CLYBL: variants seen among roughly 807,000 people sequenced by gnomAD.
The protein encoded by CLYBL is citramalyl-CoA lyase.
Under a neutral mutation model 38.9 loss-of-function variants are expected in CLYBL, and 31 were observed. The ratio of observed to expected loss-of-function variants is 0.80; its 90% CI spans 0.60 to 1.08. The LOEUF (loss-of-function observed/expected upper bound fraction) is 1.08. CLYBL is among the 50% of genes least tolerant of loss of function. CLYBL has a pLI of 0.00. For missense variants in CLYBL, 434 were observed against 411.6 expected, an observed-to-expected ratio of 1.05 and a Z score of -0.47; for synonymous variants, 171 against 158.6, an observed-to-expected ratio of 1.08 and a Z score of -0.59.
intron 1 of CLYBL, among the ~76,000 whole-genome samples, chr13:99,704,589 A>C (rs139249002): frequency 1.2e-4 from 18 of 152,300 alleles, no homozygotes; most frequent in African/African-American, 3.6e-4. Context: ...ACCTGTGAAC[A>C]GGGAAACCGG....
At chr13:99,895,617 C>G (rs1414210940), downstream of CLYBL, 4 of 152,066 alleles carry the variant, frequency 2.6e-5, no homozygotes, top group South Asian at 2.1e-4. Context: ...CGGGCGAGCC[C>G]GCGCTTGGGA....
At chr13:99,791,351 T>C (rs1566328619) in intron 2 of CLYBL, among the ~76,000 whole-genome samples, 1 of 71,298 alleles carries the variant, frequency 1.4e-5, no homozygotes, top group East Asian at 4.5e-4. Flanking sequence ...ACATAAATAG[T>C]GTCTTTTTTA....
At chr13:99,835,873 G>GAAGT (rs1177207102) in intron 2 of CLYBL, among the ~76,000 whole-genome samples, 1 of 152,166 alleles carries the variant, frequency 6.6e-6, no homozygotes, top group Non-Finnish European at 1.5e-5. Context: ...AGTTAACCAG[G>GAAGT]AAGTCCAGGG....
intron 7 of CLYBL, 139 bp from the exon 8 acceptor site, chr13:99,891,179 T>G: frequency 3.1e-6 from 2 of 646,936 alleles, no homozygotes; most frequent in Non-Finnish European, 5.5e-6. Flanking sequence ...TAATTTACTT[T>G]GGCTTTCTCA....
At chr13:99,854,233 C>T (rs1401639180) in intron 2 of CLYBL, among the ~76,000 whole-genome samples, 2 of 152,068 alleles carry the variant, frequency 1.3e-5, no homozygotes, top group Admixed American at 6.6e-5. Flanking sequence ...TATACATTAA[C>T]ATTCAAGGTT....
intron 2 of CLYBL, among the ~76,000 whole-genome samples, chr13:99,824,989 A>G (rs1014143827): frequency 5.3e-5 from 8 of 152,134 alleles, no homozygotes; most frequent in Non-Finnish European, 8.8e-5. Flanking sequence ...CTGATTTCCA[A>G]TAGAGCTCTC....
intron 1 of CLYBL, among the ~76,000 whole-genome samples, chr13:99,760,342 A>G (rs918823718): frequency 6.6e-6 from 1 of 152,164 alleles, no homozygotes; most frequent in Non-Finnish European, 1.5e-5. Context: ...GGCTTTTATA[A>G]TTGCCTATGC....
intron 2 of CLYBL, among the ~76,000 whole-genome samples, chr13:99,797,658 T>C (rs1291919119): frequency 2.0e-5 from 3 of 151,514 alleles, no homozygotes; most frequent in African/African-American, 7.3e-5. Context: ...CCTTAGTCCA[T>C]GTATCACCAA....
At chr13:99,872,223 ACTCACACTTAAT>A (rs1685317756) in intron 7 of CLYBL, among the ~76,000 whole-genome samples, 1 of 152,116 alleles carries the variant, frequency 6.6e-6, no homozygotes, top group Admixed American at 6.5e-5. Context: ...CTTTGTACAA[ACTCACACTTAAT>A]CTCCAAAGGC....
chr13:99,608,696 G>A (rs147128591), intron 1 of CLYBL, among the ~76,000 whole-genome samples: 1 of 152,142 alleles, frequency 6.6e-6, no homozygotes, highest in African/African-American at 2.4e-5. Flanking sequence ...GTCTGTTCTC[G>A]ACATGTCTAC....
At chr13:99,652,874 A>G (rs931467874) in intron 1 of CLYBL, among the ~76,000 whole-genome samples, 2 of 152,178 alleles carry the variant, frequency 1.3e-5, no homozygotes, top group East Asian at 3.9e-4. Flanking sequence ...CCTTCTCCCA[A>G]GTGGAAGGGC....
intron 1 of CLYBL, among the ~76,000 whole-genome samples, chr13:99,752,774 T>G (rs376439700): frequency 1.7e-4 from 26 of 152,146 alleles, no homozygotes; most frequent in Admixed American, 9.2e-4. Flanking sequence ...GCCAAGCTTA[T>G]GCTTGTGGCC....
chr13:99,624,832 G>A (rs1594088934), intron 1 of CLYBL, among the ~76,000 whole-genome samples: 2 of 152,146 alleles, frequency 1.3e-5, no homozygotes, highest in African/African-American at 4.8e-5. Flanking sequence ...CTCAGCATCG[G>A]GAAGCTGTAT....
chr13:99,908,829 A>C (rs544470696), exon 10 of CLYBL, among the ~76,000 whole-genome samples: 15 of 152,332 alleles, frequency 9.8e-5, no homozygotes, highest in African/African-American at 3.6e-4. Context: ...TGCCCCTAAT[A>C]CATTTTCACT....
intron 7 of CLYBL, among the ~76,000 whole-genome samples, chr13:99,888,907 C>G (rs1370816675): frequency 3.9e-5 from 6 of 152,070 alleles, no homozygotes; most frequent in African/African-American, 1.4e-4. Context: ...AAAATACCAC[C>G]TAAATTATAG....
At chr13:99,733,248 G>A (rs1166335379) in intron 1 of CLYBL, among the ~76,000 whole-genome samples, 1 of 151,620 alleles carries the variant, frequency 6.6e-6, no homozygotes, top group Non-Finnish European at 1.5e-5. Context: ...GTAAGATATA[G>A]TAGAGATGAG....
intron 1 of CLYBL, among the ~76,000 whole-genome samples, chr13:99,609,333 C>T (rs569051948): frequency 5.9e-5 from 9 of 151,700 alleles, no homozygotes; most frequent in African/African-American, 2.2e-4. Context: ...CGCGCCACCA[C>T]GTCCAGCTAA....
rs1438028949 is a variant in CLYBL, at chr13:99,869,625, TTATTA to T, written c.803-1308_803-1304del. On this transcript the variant is annotated intron_variant, in intron 6 of 8. Transcript: ENST00000339105. This position sits in a 1 kb window ranked among gnomAD's most constrained non-coding sequence, Gnocchi z 4.3. ...ATTATGCCATTGGAAAGAAAAGATA[TTATTA>T]TATTTATCCACTTAAACTCTTTTAC... Among the ~76,000 whole-genome samples, 3 of 152,120 alleles carry T rather than the reference TTATTA, an allele frequency of 2.0e-5. No individual in the cohort carries two copies. Among genetic ancestry groups the T allele is most frequent in the African/African-American group, 7.2e-5 (3 of 41,438 alleles).
chr13:99,764,575 C>T (rs1422155782), intron 1 of CLYBL, among the ~76,000 whole-genome samples: 2 of 152,018 alleles, frequency 1.3e-5, no homozygotes, highest in Non-Finnish European at 2.9e-5. Context: ...TCCGTGGTCT[C>T]AATTGTTATG....
Sources: allele counts gnomAD v4.1 joint callset (sites outside exome capture counted in the v4.1 genomes callset), GRCh38; gene constraint gnomAD v4.1.1; non-coding constraint Gnocchi (gnomAD v3.1); transcripts MANE v1.5; gene names NCBI Gene and HGNC (gene_info 2026-07-23, HGNC 2026-07-21).